The following ARMC9 variants were observed in gnomAD, a reference collection of about 807,000 sequenced individuals.
ARMC9 encodes the protein lisH domain-containing protein ARMC9.
Under a neutral mutation model 107.0 loss-of-function variants are expected in ARMC9, and 94 were observed. The observed-to-expected ratio is 0.88, with a 90% CI of 0.74 to 1.04. The LOEUF is 1.04. Among genes scored for constraint, ARMC9 ranks in the 50% least tolerant of loss-of-function variants. ARMC9 has a pLI of 0.00. For missense variants in ARMC9, 942 were observed against 1,030.1 expected, an observed-to-expected ratio of 0.91 and a Z score of 1.17; for synonymous variants, 380 against 396.9, an observed-to-expected ratio of 0.96 and a Z score of 0.51.
intron 17 of ARMC9, among the ~76,000 whole-genome samples, chr2:231,287,524 G>T (rs1457936018): frequency 1.3e-5 from 2 of 152,134 alleles, no homozygotes; most frequent in Non-Finnish European, 2.9e-5. Context: ...TGCTCACTAG[G>T]TATGGGCTTT....
intron 19 of ARMC9, among the ~76,000 whole-genome samples, chr2:231,302,447 T>TTG (rs2041805623): frequency 1.4e-5 from 2 of 143,632 alleles, no homozygotes; most frequent in Non-Finnish European, 3.0e-5. Context: ...GTTTTTTTTT[T>TTG]TTTTTTTTTT....
chr2:231,257,159 C>CA (rs1162566259), intron 10 of ARMC9, among the ~76,000 whole-genome samples: 5 of 152,110 alleles, frequency 3.3e-5, no homozygotes, highest in Non-Finnish European at 7.4e-5. Flanking sequence ...AAGCCTCAAA[C>CA]AAAAAAACCT....
At chr2:231,225,059 T>C (rs559121070) in intron 6 of ARMC9, among the ~76,000 whole-genome samples, 1 of 152,354 alleles carries the variant, frequency 6.6e-6, no homozygotes, top group Non-Finnish European at 1.5e-5. Context: ...ATAACAGTTG[T>C]ATTTGCAAAA....
intron 17 of ARMC9, among the ~76,000 whole-genome samples, chr2:231,284,428 AAG>A (rs1426560296): frequency 1.3e-5 from 2 of 152,224 alleles, no homozygotes; most frequent in African/African-American, 4.8e-5. Flanking sequence ...AGTCCTAACT[AAG>A]AGTTGCTCAG....
chr2:231,357,116 C>T (rs1010561211), intron 22 of ARMC9, among the ~76,000 whole-genome samples: 15 of 152,124 alleles, frequency 9.9e-5, no homozygotes, highest in African/African-American at 3.6e-4. Flanking sequence ...GCAGCTGCTG[C>T]AATGTTGATG....
chr2:231,261,312 T>C (rs2038318720), intron 11 of ARMC9, among the ~76,000 whole-genome samples: 1 of 152,230 alleles, frequency 6.6e-6, no homozygotes, highest in Non-Finnish European at 1.5e-5. Flanking sequence ...AATTTTCTTC[T>C]AGCCCTGTGG....
At chr2:231,228,228 C>T (rs1445972222) in intron 7 of ARMC9, among the ~76,000 whole-genome samples, 2 of 152,260 alleles carry the variant, frequency 1.3e-5, no homozygotes, top group Non-Finnish European at 2.9e-5. Context: ...TGTTCCATTG[C>T]TGCCTGACAG....
chr2:231,365,774 G>A (rs925993920), intron 23 of ARMC9, among the ~76,000 whole-genome samples: 2 of 152,100 alleles, frequency 1.3e-5, no homozygotes, highest in African/African-American at 4.8e-5. Context: ...CAAGCTCCTC[G>A]GCCTCCTGGG....
In ARMC9 at chr2:231,371,664, C is replaced by A; in HGVS notation, c.*129C>A. ...CAAGACTCTGGGAGCTGAGGGGAGG[C>A]CGGCTCTCCAGGCAGCACCAGAGCA... On this transcript the variant is annotated 3_prime_UTR_variant, in exon 25 of 25. Transcript: ENST00000611582. 2 of 982,592 alleles carry A rather than the reference C, an allele frequency of 2.0e-6. No homozygotes were observed. The highest frequency in any genetic ancestry group is 2.6e-6 in the Non-Finnish European group (2 of 760,508). The allele number at this position is 982,592 out of a possible 1,614,324, so 60.9% of individuals were successfully genotyped here. A position where few individuals can be genotyped will look rare whatever the true frequency, so the allele number is the denominator to read the frequency against.
chr2:231,292,852 A>G (rs1320108064), intron 18 of ARMC9, among the ~76,000 whole-genome samples: 1 of 152,254 alleles, frequency 6.6e-6, no homozygotes, highest in Non-Finnish European at 1.5e-5. Context: ...CTTCTAGCTC[A>G]GGGTTCACAG....
chr2:231,295,962 C>T, intron 18 of ARMC9: 1 of 354,860 alleles, frequency 2.8e-6, no homozygotes, highest in Non-Finnish European at 5.0e-6. Context: ...TTTAATTTTC[C>T]CCATGCTACT....
intron 20 of ARMC9, among the ~76,000 whole-genome samples, chr2:231,335,019 T>C (rs2043993146): frequency 6.6e-6 from 1 of 152,176 alleles, no homozygotes; most frequent in Non-Finnish European, 1.5e-5. Flanking sequence ...ACTCTAAAGA[T>C]GTTGGCGTTT....
chr2:231,342,247 A>G (rs1254965974), intron 20 of ARMC9, among the ~76,000 whole-genome samples: 5 of 152,246 alleles, frequency 3.3e-5, no homozygotes, highest in Admixed American at 3.3e-4. Context: ...TTTTTGCAAC[A>G]GACCAGGCAG....
At chr2:231,258,173 T>TA (rs1368584490) in intron 10 of ARMC9, among the ~76,000 whole-genome samples, 1 of 152,034 alleles carries the variant, frequency 6.6e-6, no homozygotes, top group African/African-American at 2.4e-5. Flanking sequence ...CCCACCTAAT[T>TA]ACTCTTTTTT....
At position 231,255,046 on chromosome 2, in the gene ARMC9, T is replaced by C. The variant is rs2037641870; in HGVS notation, c.880-1540T>C. Among the ~76,000 whole-genome samples the C allele has an allele frequency of 6.6e-6, 1 of 152,244 alleles. No homozygotes were observed. Among genetic ancestry groups the C allele is most frequent in the Non-Finnish European group, 1.5e-5 (1 of 68,046 alleles). ...TCCACTCCATATTCAAGATTTTCCTTATTTTCTCAAAATATCTTTTTACAG... is the reference window on the plus strand; with the variant it reads ...TCCACTCCATATTCAAGATTTTCCTCATTTTCTCAAAATATCTTTTTACAG... On this transcript the variant is annotated intron_variant, in intron 9 of 24. Coordinates refer to ENST00000611582, the MANE Select transcript of ARMC9 (RefSeq NM_001352754.2). The surrounding 1 kb of genome is among the most constrained non-coding windows in gnomAD (Gnocchi z 4.7).
At chr2:231,286,433 T>G (rs747771411) in intron 17 of ARMC9, among the ~76,000 whole-genome samples, 3 of 152,182 alleles carry the variant, frequency 2.0e-5, no homozygotes, top group Non-Finnish European at 4.4e-5. Context: ...TATTTGTATG[T>G]GTGTCAGCAC....
At chr2:231,227,718 C>T (rs2034781736) in intron 7 of ARMC9, among the ~76,000 whole-genome samples, 1 of 152,186 alleles carries the variant, frequency 6.6e-6, no homozygotes, top group African/African-American at 2.4e-5. Flanking sequence ...GTTTGTCAAC[C>T]TCAGGGAGAG....
At chr2:231,325,912 C>G (rs895550820) in intron 19 of ARMC9, among the ~76,000 whole-genome samples, 7 of 152,192 alleles carry the variant, frequency 4.6e-5, no homozygotes, top group Non-Finnish European at 7.3e-5. Flanking sequence ...TGAGTCCCAA[C>G]TAGAGCTTAA....
intron 9 of ARMC9, among the ~76,000 whole-genome samples, chr2:231,244,793 A>G (rs999616371): frequency 2.6e-5 from 4 of 152,234 alleles, no homozygotes; most frequent in African/African-American, 9.6e-5. Flanking sequence ...TGCTGTGGCC[A>G]CCATGAGGGC....
Sources: gnomAD v4.1 joint callset for allele counts (sites outside exome capture counted in the v4.1 genomes callset) on GRCh38, gnomAD v4.1.1 for gene constraint, Gnocchi (gnomAD v3.1) non-coding constraint, MANE v1.5 for transcripts, NCBI Gene and HGNC (gene_info 2026-07-23, HGNC 2026-07-21) for gene names.